The following EEPD1 variants were observed in gnomAD, a reference collection of about 807,000 sequenced individuals.
EEPD1 encodes the protein endonuclease/exonuclease/phosphatase family domain-containing protein 1.
In EEPD1, 17 loss-of-function variants were observed where a neutral mutation model predicts 46.3. That is an observed-to-expected ratio of 0.37 (90% CI 0.25 to 0.55). The LOEUF (loss-of-function observed/expected upper bound fraction) is 0.55. EEPD1 is among the 20% of genes least tolerant of loss of function. The pLI is 0.83. For missense variants in EEPD1, 673 were observed against 745.6 expected, an observed-to-expected ratio of 0.90 and a Z score of 1.13; for synonymous variants, 313 against 315.6, an observed-to-expected ratio of 0.99 and a Z score of 0.09.
At chr7:36,168,535 A>T (rs1785026748) in intron 2 of EEPD1, among the ~76,000 whole-genome samples, 2 of 152,156 alleles carry the variant, frequency 1.3e-5, no homozygotes, top group Non-Finnish European at 2.9e-5. Flanking sequence ...CGGGTGGATC[A>T]CGAGGTCAGG....
chr7:36,240,114 A>G (rs1441545585), intron 3 of EEPD1, among the ~76,000 whole-genome samples: 1 of 152,106 alleles, frequency 6.6e-6, no homozygotes, highest in Non-Finnish European at 1.5e-5. Context: ...TCAGAAAATC[A>G]AGAAATTAGC....
At chr7:36,201,008 A>G (rs1172442568) in intron 2 of EEPD1, among the ~76,000 whole-genome samples, 2 of 152,234 alleles carry the variant, frequency 1.3e-5, no homozygotes, top group East Asian at 1.9e-4. Context: ...GTCATCCTGT[A>G]TCTCTTGATA....
chr7:36,261,459 C>G (rs1786922957), intron 3 of EEPD1, among the ~76,000 whole-genome samples: 1 of 152,168 alleles, frequency 6.6e-6, no homozygotes, highest in Non-Finnish European at 1.5e-5. Flanking sequence ...TTGCACCTAG[C>G]CACCACCTCA....
intron 3 of EEPD1, among the ~76,000 whole-genome samples, chr7:36,263,400 C>A (rs907126179): frequency 2.0e-5 from 3 of 152,116 alleles, no homozygotes; most frequent in Admixed American, 2.0e-4. Context: ...AAAGCAGCAC[C>A]TCACACAGGA....
intron 2 of EEPD1, among the ~76,000 whole-genome samples, chr7:36,197,657 G>A (rs1158590815): frequency 3.6e-4 from 55 of 152,172 alleles, no homozygotes; most frequent in Admixed American, 9.2e-4. Context: ...GTCCACTCAG[G>A]GTTAAATGGA....
At chr7:36,227,892 T>C (rs1406996634) in intron 2 of EEPD1, among the ~76,000 whole-genome samples, 1 of 152,150 alleles carries the variant, frequency 6.6e-6, no homozygotes, top group African/African-American at 2.4e-5. Flanking sequence ...TTCACCATGT[T>C]GGTCAGGCTG....
chr7:36,275,626 T>C (rs1787170336), intron 3 of EEPD1, among the ~76,000 whole-genome samples: 1 of 152,010 alleles, frequency 6.6e-6, no homozygotes, highest in African/African-American at 2.4e-5. Flanking sequence ...TTTTGTATTT[T>C]GTATTTTGTA....
At chr7:36,197,274 C>A (rs1233136327) in intron 2 of EEPD1, among the ~76,000 whole-genome samples, 61 of 142,802 alleles carry the variant, frequency 4.3e-4, no homozygotes, top group African/African-American at 7.5e-4. Context: ...GCAGCCGCCC[C>A]GTCCGGGAGG....
chr7:36,239,653 C>T (rs1786520115), intron 3 of EEPD1, among the ~76,000 whole-genome samples: 2 of 152,120 alleles, frequency 1.3e-5, no homozygotes, highest in South Asian at 2.1e-4. Flanking sequence ...CAGTGTGTCT[C>T]GGCTTTCTAT....
At chr7:36,250,469 A>G (rs1786718600) in intron 3 of EEPD1, among the ~76,000 whole-genome samples, 1 of 152,140 alleles carries the variant, frequency 6.6e-6, no homozygotes, top group African/African-American at 2.4e-5. Flanking sequence ...AGAACAACCT[A>G]TGGCCAGTCT....
chr7:36,182,026 A>T (rs965081941), intron 2 of EEPD1, among the ~76,000 whole-genome samples: 1 of 152,226 alleles, frequency 6.6e-6, no homozygotes, highest in Admixed American at 6.5e-5. Context: ...AGTGACTGAT[A>T]AAATAATAGC....
Position 36,175,929 on chromosome 7 carries a change from C to T in EEPD1, c.878+20727C>T, listed in dbSNP as rs192990127. Among the ~76,000 whole-genome samples, 58 of 152,306 alleles carry T rather than the reference C, an allele frequency of 3.8e-4. No homozygotes were observed. In the East Asian group the frequency reaches 9.9e-3, roughly 26 times the overall value. On this transcript the variant is annotated intron_variant, in intron 2 of 7. Transcript: ENST00000242108. ...CCAGAGGGGCTGAGCAGGTCACTGC[C>T]GGGTCCCTGTGAGGTGATGACTCTG... is the stretch of plus-strand genomic sequence containing the variant.
chr7:36,249,548 G>A (rs1455616604), intron 3 of EEPD1, among the ~76,000 whole-genome samples: 2 of 152,150 alleles, frequency 1.3e-5, no homozygotes, highest in African/African-American at 2.4e-5. Flanking sequence ...TCCGTGGTAG[G>A]TCTACCCAAG....
chr7:36,259,176 A>T (rs1422053855), intron 3 of EEPD1, among the ~76,000 whole-genome samples: 1 of 152,090 alleles, frequency 6.6e-6, no homozygotes, highest in Non-Finnish European at 1.5e-5. Flanking sequence ...GGCTGCACCC[A>T]CTGTCTAACC....
chr7:36,287,236 CAAAA>C (rs377318198), intron 5 of EEPD1, among the ~76,000 whole-genome samples: 1 of 42,202 alleles, frequency 2.4e-5, no homozygotes, highest in Non-Finnish European at 3.8e-5. Flanking sequence ...GACTCCTTCT[CAAAA>C]AAAAAAAAAA....
intron 3 of EEPD1, among the ~76,000 whole-genome samples, chr7:36,269,993 A>C (rs532773211): frequency 6.6e-6 from 1 of 152,358 alleles, no homozygotes; most frequent in South Asian, 2.1e-4. Context: ...CTTCGCCACC[A>C]AGGAGATGGC....
rs34007011 is a variant in EEPD1, at chr7:36,173,325, TAAAAAAAAAAA to T, written c.878+18136_878+18146del. ...AACATGGTGAAAGCCCGTTTATACTTAAAAAAAAAAAAAAAAAAAAAAACTTAGCTGGGTGT... is the reference window on the plus strand; with the variant it reads ...AACATGGTGAAAGCCCGTTTATACTTAAAAAAAAAAAACTTAGCTGGGTGT... On this transcript the variant is annotated intron_variant, in intron 2 of 7. Transcript: ENST00000242108. 5.8e-5 allele frequency among the ~76,000 whole-genome samples: 6 copies of T among 103,610 alleles called. No homozygotes were observed. In the East Asian group the frequency reaches 1.2e-3, roughly 21 times the overall value. 68.0% of individuals were successfully genotyped at this position (103,610 alleles called of 152,430 possible). A position where few individuals can be genotyped will look rare whatever the true frequency, so the allele number is the denominator to read the frequency against.
intron 2 of EEPD1, among the ~76,000 whole-genome samples, chr7:36,191,131 C>T (rs1055350239): frequency 2.7e-4 from 41 of 152,190 alleles, no homozygotes; most frequent in African/African-American, 9.7e-4. Flanking sequence ...ATGAAGTGTG[C>T]CCCATTTCTG....
chr7:36,292,493 TTTTCTC>T (rs988548501), intron 6 of EEPD1, among the ~76,000 whole-genome samples: 3 of 150,904 alleles, frequency 2.0e-5, no homozygotes, highest in East Asian at 1.9e-4. Flanking sequence ...TTCTCTCTCT[TTTTCTC>T]TTTCTCTTTC....
Sources: allele counts gnomAD v4.1 joint callset (sites outside exome capture counted in the v4.1 genomes callset), GRCh38; gene constraint gnomAD v4.1.1; transcripts MANE v1.5; gene names NCBI Gene and HGNC (gene_info 2026-07-23, HGNC 2026-07-21).